RASSF3: variants seen among roughly 807,000 people sequenced by gnomAD.
RASSF3 encodes the protein ras association domain-containing protein 3.
In RASSF3, 19 loss-of-function variants were observed where a neutral mutation model predicts 19.9. That is an observed-to-expected ratio of 0.96 (90% CI 0.67 to 1.40). RASSF3 has a LOEUF of 1.40. Among genes scored for constraint, RASSF3 ranks in the 40% most tolerant of loss-of-function variants. The pLI is 0.00. For missense variants in RASSF3, 306 were observed against 289.8 expected (o/e 1.06, Z -0.41); for synonymous variants, 110 against 104.2 (o/e 1.06, Z -0.34).
chr12:64,547,884 C>A (rs141288552), intron 2 of RASSF3, among the ~76,000 whole-genome samples: 3 of 152,050 alleles, frequency 2.0e-5, no homozygotes, highest in Non-Finnish European at 4.4e-5. Context: ...TTAAGAAAAA[C>A]GTTAAAATTG....
chr12:64,678,719 C>G (rs1425555029), intron 1 of RASSF3, among the ~76,000 whole-genome samples: 2 of 144,580 alleles, frequency 1.4e-5, no homozygotes, highest in African/African-American at 5.1e-5. Context: ...GTAAGGTAAA[C>G]TAGGCTGTCA....
chr12:64,623,814 T>G (rs942784695), intron 1 of RASSF3, among the ~76,000 whole-genome samples: 5 of 151,758 alleles, frequency 3.3e-5, no homozygotes, highest in Non-Finnish European at 7.4e-5. Flanking sequence ...GGCTAATTTT[T>G]ATTTTTATTT....
intron 1 of RASSF3, among the ~76,000 whole-genome samples, chr12:64,514,188 CTTTTTTTTTT>C (rs138925359): frequency 3.6e-4 from 28 of 77,990 alleles, no homozygotes; most frequent in African/African-American, 1.7e-3. Flanking sequence ...CGCTCAGCCT[CTTTTTTTTTT>C]TTTTTTTTTT....
chr12:64,677,267 G>A (rs913233157), intron 1 of RASSF3, among the ~76,000 whole-genome samples: 8 of 152,172 alleles, frequency 5.3e-5, no homozygotes, highest in Admixed American at 4.6e-4. Context: ...TGGACAGCAC[G>A]GTCACAGGAC....
intron 1 of RASSF3, among the ~76,000 whole-genome samples, chr12:64,668,458 G>A (rs1872595142): frequency 6.6e-6 from 1 of 151,992 alleles, no homozygotes; most frequent in African/African-American, 2.4e-5. Context: ...TTTTTGTAGA[G>A]ATGGGTTTTC....
chr12:64,566,350 C>T (rs1260203038), intron 2 of RASSF3, among the ~76,000 whole-genome samples: 3 of 152,176 alleles, frequency 2.0e-5, no homozygotes, highest in Non-Finnish European at 4.4e-5. Flanking sequence ...CCATTGAATC[C>T]ATTTGCATGG....
At chr12:64,570,762 G>A (rs1869504506) in intron 2 of RASSF3, among the ~76,000 whole-genome samples, 1 of 152,104 alleles carries the variant, frequency 6.6e-6, no homozygotes. Flanking sequence ...AATGTCAGTT[G>A]CAGCATTTCT....
chr12:64,525,808 C>T (rs1482920907), intron 1 of RASSF3, among the ~76,000 whole-genome samples: 2 of 152,136 alleles, frequency 1.3e-5, no homozygotes, highest in Non-Finnish European at 2.9e-5. Flanking sequence ...TATAGATCTA[C>T]TGTCAGAATA....
chr12:64,644,484 C>A (rs979734861), intron 1 of RASSF3, among the ~76,000 whole-genome samples: 21 of 152,084 alleles, frequency 1.4e-4, no homozygotes, highest in African/African-American at 4.8e-4. Flanking sequence ...TCACTTAAGC[C>A]CAGGAGTTGG....
chr12:64,526,255 G>A (rs114492326), intron 1 of RASSF3, among the ~76,000 whole-genome samples: 2,226 of 152,030 alleles, frequency 0.015, 42 homozygotes, highest in African/African-American at 0.043. Flanking sequence ...TACTTATTGC[G>A]GAATGGTTAA....
chr12:64,534,650 G>GTA (rs1401217831), intron 1 of RASSF3, among the ~76,000 whole-genome samples: 1 of 152,160 alleles, frequency 6.6e-6, no homozygotes, highest in Non-Finnish European at 1.5e-5. Flanking sequence ...CAAGGAGCAG[G>GTA]TATATGTGTG....
At chr12:64,650,388 G>GAGGTGTTT (rs1178894417) in intron 1 of RASSF3, among the ~76,000 whole-genome samples, 1 of 150,894 alleles carries the variant, frequency 6.6e-6, no homozygotes, top group Non-Finnish European at 1.5e-5. Context: ...CCTCAGCCAG[G>GAGGTGTTT]AGGTGTTTCT....
intron 1 of RASSF3, among the ~76,000 whole-genome samples, chr12:64,507,803 T>C (rs186508504): frequency 8.5e-5 from 13 of 152,300 alleles, no homozygotes; most frequent in African/African-American, 3.1e-4. Flanking sequence ...ATGCATCATA[T>C]TTTAGGTATT....
intron 2 of RASSF3, among the ~76,000 whole-genome samples, chr12:64,588,325 T>C (rs2136139120): frequency 6.6e-6 from 1 of 152,294 alleles, no homozygotes; most frequent in East Asian, 1.9e-4. Context: ...TGCTGAGGGC[T>C]ATACAAAAAC....
chr12:64,513,848 T>A lies in RASSF3; in HGVS notation c.169+6519T>A, dbSNP rs569730800. 2.0e-5 allele frequency among the ~76,000 whole-genome samples: 3 copies of A among 152,232 alleles called. No homozygotes were observed. In the East Asian group the frequency reaches 5.8e-4, roughly 29 times the overall value. On this transcript the variant is annotated intron_variant, in intron 1 of 5. Transcript: ENST00000637125. Reference sequence around the variant, plus strand: ...GAAATTACAGAGCTATTCTAGGATTTGGAAGAAGGGTGGAATTTAAGGTTT... The same window carrying A: ...GAAATTACAGAGCTATTCTAGGATTAGGAAGAAGGGTGGAATTTAAGGTTT...
intron 1 of RASSF3, among the ~76,000 whole-genome samples, chr12:64,674,456 C>T (rs915253582): frequency 2.0e-5 from 3 of 152,174 alleles, no homozygotes; most frequent in African/African-American, 7.2e-5. Context: ...TGGCTTATGC[C>T]TGTAATCCCA....
At chr12:64,665,539 G>T (rs1412737572) in intron 1 of RASSF3, among the ~76,000 whole-genome samples, 2 of 152,114 alleles carry the variant, frequency 1.3e-5, no homozygotes, top group Non-Finnish European at 2.9e-5. Flanking sequence ...CAGGGAAGAG[G>T]TGAAAGCACC....
At position 64,657,002 on chromosome 12, in the gene RASSF3, G is replaced by T. The variant is rs1458879365; in HGVS notation, c.112-27785G>T. 2.7e-5 allele frequency among the ~76,000 whole-genome samples: 4 copies of T among 148,242 alleles called. No individual in the cohort carries two copies. The Admixed American group carries it at 2.8e-4, about 10-fold the overall frequency. On this transcript the variant is annotated intron_variant, in intron 1 of 4. Coordinates refer to ENST00000542104, the MANE Select transcript of RASSF3 (RefSeq NM_178169.4). ...GGAAATAGGGAGTCAGTGTTTAATAGTATAGTTTCTTTTTTTTTTTTTTTT... is the reference window on the plus strand; with the variant it reads ...GGAAATAGGGAGTCAGTGTTTAATATTATAGTTTCTTTTTTTTTTTTTTTT...
intron 1 of RASSF3, among the ~76,000 whole-genome samples, chr12:64,670,218 C>T (rs772516348): frequency 6.6e-6 from 1 of 152,042 alleles, no homozygotes; most frequent in Non-Finnish European, 1.5e-5. Context: ...GTGTCTAAAG[C>T]TATTTATTTG....
Sources: allele counts gnomAD v4.1 joint callset (sites outside exome capture counted in the v4.1 genomes callset), GRCh38; gene constraint gnomAD v4.1.1; transcripts MANE v1.5; gene names NCBI Gene and HGNC (gene_info 2026-07-23, HGNC 2026-07-21).